The following DOCK3 variants were observed in gnomAD, a reference collection of about 807,000 sequenced individuals.
The protein encoded by DOCK3 is dedicator of cytokinesis protein 3.
A neutral mutation model predicts 265.6 loss-of-function variants in DOCK3; 60 were observed. The ratio of observed to expected loss-of-function variants is 0.23; its 90% CI spans 0.18 to 0.28. DOCK3 has a LOEUF of 0.28. DOCK3 is among the 10% of genes least tolerant of loss of function. The probability of loss-of-function intolerance (pLI) is 1.00; values close to 1 mark genes in which losing one functional copy is unlikely to be tolerated. For missense variants in DOCK3, 1,981 were observed against 2,594.3 expected (o/e 0.76, Z 5.14); for synonymous variants, 881 against 938.0 (o/e 0.94, Z 1.11).
At chr3:50,915,221 A>G (rs1047587005) in intron 4 of DOCK3, among the ~76,000 whole-genome samples, 1 of 151,982 alleles carries the variant, frequency 6.6e-6, no homozygotes, top group Non-Finnish European at 1.5e-5. Context: ...GGCATCCCCA[A>G]TCCAATAGAA....
At chr3:50,924,308 A>C (rs2050652790) in intron 4 of DOCK3, among the ~76,000 whole-genome samples, 1 of 152,182 alleles carries the variant, frequency 6.6e-6, no homozygotes, top group Admixed American at 6.5e-5. Context: ...TAATTGTCGC[A>C]ATTTGTGGAT....
At position 50,788,920 on chromosome 3, in the gene DOCK3, C is replaced by T. The variant is rs116991238; in HGVS notation, c.121+10162C>T. Among the ~76,000 whole-genome samples the T allele has an allele frequency of 3.2e-3, 490 of 152,284 alleles. 15 individuals carry two copies. The East Asian group carries it at 0.074, about 23-fold the overall frequency. ...CCCCCTTTATTATCTTTTCAAAGAA[C>T]GAGGTTTTTGTTTCATTTATCTTTT... On this transcript the variant is annotated intron_variant, in intron 2 of 52. Coordinates refer to ENST00000266037, the MANE Select transcript of DOCK3 (RefSeq NM_004947.5).
chr3:51,111,968 C>G (rs2083539041), intron 9 of DOCK3, among the ~76,000 whole-genome samples: 1 of 152,176 alleles, frequency 6.6e-6, no homozygotes, highest in Middle Eastern at 3.2e-3. Flanking sequence ...CATCACTGAT[C>G]ATTAGAGAAA....
At chr3:51,217,912 A>G (rs1484297392) in intron 14 of DOCK3, among the ~76,000 whole-genome samples, 28 of 150,968 alleles carry the variant, frequency 1.9e-4, no homozygotes, top group African/African-American at 5.6e-4. Context: ...GAGGTCAGGA[A>G]TTCAAGACCA....
At chr3:50,795,981 T>C (rs1294246021) in intron 2 of DOCK3, among the ~76,000 whole-genome samples, 1 of 152,170 alleles carries the variant, frequency 6.6e-6, no homozygotes, top group Non-Finnish European at 1.5e-5. Flanking sequence ...TTCTGAATTA[T>C]ATTTCTGTCA....
At chr3:51,170,541 G>A (rs1212304243) in intron 12 of DOCK3, among the ~76,000 whole-genome samples, 2 of 152,048 alleles carry the variant, frequency 1.3e-5, no homozygotes, top group African/African-American at 4.8e-5. Context: ...GTACATAGAA[G>A]TTTGTTATGA....
At chr3:51,200,585 G>T (rs974882392) in intron 12 of DOCK3, among the ~76,000 whole-genome samples, 4 of 151,798 alleles carry the variant, frequency 2.6e-5, no homozygotes, top group African/African-American at 9.7e-5. Flanking sequence ...GGAACCAAGC[G>T]GGAAAACACT....
intron 3 of DOCK3, among the ~76,000 whole-genome samples, chr3:50,869,983 A>C (rs1422443888): frequency 6.6e-6 from 1 of 152,172 alleles, no homozygotes; most frequent in Non-Finnish European, 1.5e-5. Context: ...GTCAAAGAAG[A>C]TGCTTAATAT....
chr3:50,806,184 G>A (rs1410568325), intron 2 of DOCK3, among the ~76,000 whole-genome samples: 1 of 152,090 alleles, frequency 6.6e-6, no homozygotes, highest in African/African-American at 2.4e-5. Flanking sequence ...GCCTGGGGGT[G>A]TGGTGTGTCT....
intron 14 of DOCK3, among the ~76,000 whole-genome samples, chr3:51,224,029 G>T (rs1039906420): frequency 1.3e-5 from 2 of 152,196 alleles, no homozygotes; most frequent in East Asian, 1.9e-4. Context: ...CAATCCAAGG[G>T]TTTGTGCAGA....
At chr3:51,312,398 A>G in intron 29 of DOCK3, 78 bp from the exon 30 acceptor site, 2 of 1,102,242 alleles carry the variant, frequency 1.8e-6, no homozygotes, top group South Asian at 2.7e-5. Context: ...GTTCTATGCT[A>G]CATGCATGTA....
rs79957185 is a variant in DOCK3, at chr3:51,064,235, A to G, written c.316-213A>G. On this transcript the variant is annotated intron_variant, in intron 5 of 52. Transcript: ENST00000266037. Reference sequence around the variant, plus strand: ...ATAAATGCTACTTTTGCATGATCCAAATCAATTATGTTACTTTGTTGGATG... The same window carrying G: ...ATAAATGCTACTTTTGCATGATCCAGATCAATTATGTTACTTTGTTGGATG... 1.5e-3 allele frequency among the ~76,000 whole-genome samples: 234 copies of G among 152,312 alleles called. 2 individuals carry two copies. Among genetic ancestry groups the G allele is most frequent in the East Asian group, 8.1e-3 (42 of 5,192 alleles).
intron 5 of DOCK3, among the ~76,000 whole-genome samples, chr3:51,050,548 A>G (rs1559990957): frequency 6.6e-6 from 1 of 152,204 alleles, no homozygotes; most frequent in Non-Finnish European, 1.5e-5. Flanking sequence ...CCACACTTAT[A>G]GAGGGCAAGA....
chr3:51,158,268 G>A lies in DOCK3; in HGVS notation c.829-976G>A, dbSNP rs80155229. ...ACACAAATAGAATGATTATCAGATT[G>A]GGCATGGTAACTAACACCTGTAATC... On this transcript the variant is annotated intron_variant, in intron 10 of 52. Coordinates refer to ENST00000266037, the MANE Select transcript of DOCK3 (RefSeq NM_004947.5). 7.7e-3 allele frequency among the ~76,000 whole-genome samples: 1,168 copies of A among 152,236 alleles called. 128 individuals are homozygous for A. In the East Asian group the frequency reaches 0.2, roughly 26 times the overall value.
chr3:50,798,126 G>A (rs1000917127), intron 2 of DOCK3, among the ~76,000 whole-genome samples: 3 of 152,118 alleles, frequency 2.0e-5, no homozygotes, highest in Non-Finnish European at 4.4e-5. Flanking sequence ...GATCACAGGT[G>A]GAATCTGTTA....
intron 4 of DOCK3, among the ~76,000 whole-genome samples, chr3:50,913,201 G>A (rs1038421373): frequency 4.6e-5 from 7 of 152,036 alleles, no homozygotes; most frequent in African/African-American, 9.7e-5. Flanking sequence ...TTCCCTTCAA[G>A]GCTGCGGGTT....
chr3:50,703,244 C>A (rs1011651803), intron 1 of DOCK3, among the ~76,000 whole-genome samples: 1 of 152,014 alleles, frequency 6.6e-6, no homozygotes, highest in Non-Finnish European at 1.5e-5. Context: ...ATTTGGTTTG[C>A]AAGTATTTTG....
chr3:51,286,744 G>A (rs1486744699), intron 27 of DOCK3, among the ~76,000 whole-genome samples: 1 of 152,218 alleles, frequency 6.6e-6, no homozygotes, highest in African/African-American at 2.4e-5. Context: ...AATAAATGGT[G>A]CTGGGATAAC....
intron 1 of DOCK3, among the ~76,000 whole-genome samples, chr3:50,737,909 G>C (rs115413401): frequency 1.3e-5 from 2 of 152,098 alleles, no homozygotes; most frequent in African/African-American, 4.8e-5. Context: ...CTTTAGGGTC[G>C]GTTACTAGTG....
Sources: gnomAD v4.1 joint callset for allele counts (sites outside exome capture counted in the v4.1 genomes callset) on GRCh38, gnomAD v4.1.1 for gene constraint, MANE v1.5 for transcripts, NCBI Gene and HGNC (gene_info 2026-07-23, HGNC 2026-07-21) for gene names.